FAT4: variants seen among roughly 807,000 people sequenced by gnomAD.
The protein encoded by FAT4 is protocadherin Fat 4.
FAT4 carries 84 observed loss-of-function variants against 303.9 expected under a neutral mutation model. The ratio of observed to expected loss-of-function variants is 0.28; its 90% CI spans 0.23 to 0.33. FAT4 has a LOEUF of 0.33. FAT4 is among the 10% of genes least tolerant of loss of function. The pLI is 1.00. For missense variants in FAT4, 6,005 were observed against 6,146.8 expected, an observed-to-expected ratio of 0.98 and a Z score of 0.77; for synonymous variants, 2,307 against 2,298.8, an observed-to-expected ratio of 1.00 and a Z score of -0.10.
chr4:125,331,159 T>C (rs1731365813), intron 2 of FAT4, among the ~76,000 whole-genome samples: 1 of 152,232 alleles, frequency 6.6e-6, no homozygotes, highest in Admixed American at 6.5e-5. Flanking sequence ...TTGTTTATTC[T>C]GTTTATGGTG....
intron 7 of FAT4, among the ~76,000 whole-genome samples, chr4:125,422,021 T>A (rs574994214): frequency 7.2e-5 from 11 of 152,162 alleles, no homozygotes; most frequent in Non-Finnish European, 4.4e-5. Flanking sequence ...TCATTTCACT[T>A]TAATAAATGA....
chr4:125,326,238 TG>T (rs1226420369), intron 2 of FAT4, among the ~76,000 whole-genome samples: 3 of 152,048 alleles, frequency 2.0e-5, no homozygotes, highest in African/African-American at 4.8e-5. Flanking sequence ...TGGAGACATT[TG>T]TGAGGTCAGT....
intron 10 of FAT4, among the ~76,000 whole-genome samples, chr4:125,453,381 A>G (rs1278487297): frequency 6.6e-6 from 1 of 152,184 alleles, no homozygotes; most frequent in African/African-American, 2.4e-5. Context: ...TCGTGAGAAG[A>G]GCGAGAATCA....
intron 2 of FAT4, among the ~76,000 whole-genome samples, chr4:125,392,717 G>T (rs1024909992): frequency 6.6e-6 from 1 of 152,160 alleles, no homozygotes; most frequent in African/African-American, 2.4e-5. Flanking sequence ...TAGGCAAGAA[G>T]TGAATAAAAT....
intron 8 of FAT4, among the ~76,000 whole-genome samples, chr4:125,443,383 G>A (rs559840955): frequency 1.3e-5 from 2 of 152,106 alleles, no homozygotes; most frequent in South Asian, 2.1e-4. Context: ...CTTCGCAATT[G>A]GTACATTTTC....
intron 2 of FAT4, among the ~76,000 whole-genome samples, chr4:125,321,817 G>A (rs1046523278): frequency 1.3e-5 from 2 of 152,064 alleles, no homozygotes; most frequent in African/African-American, 4.8e-5. Flanking sequence ...TTACTTTATA[G>A]CAATCACATA....
At chr4:125,458,659 GC>G (rs1726377692) in intron 10 of FAT4, among the ~76,000 whole-genome samples, 1 of 151,844 alleles carries the variant, frequency 6.6e-6, no homozygotes, top group Non-Finnish European at 1.5e-5. Flanking sequence ...TAGCTTAAAT[GC>G]TTATTTCTGT....
rs766687363 is a variant in FAT4 at position 125,487,369 on chromosome 4, A to G, written c.12847A>G (p.Thr4283Ala). The G allele has an allele frequency of 5.3e-5, 85 of 1,613,506 alleles. No individual in the cohort carries two copies. Among genetic ancestry groups the G allele is most frequent in the Non-Finnish European group, 6.8e-5 (80 of 1,179,570 alleles). Residue 4283 changes from threonine (T) to alanine (A), a missense_variant, in exon 17 of 18, where the codon ACA becomes GCA. Thr to Ala is a moderately conservative substitution (Grantham distance 58, BLOSUM62 0). Transcript: ENST00000394329. ...VKIKNGKVYF[T>A]SDAGIAGKVE... ...GATTAAGAATGGCAAAGTATATTTT[A>G]CATCCGATGCAGGAATTGCTGGGAA...
At chr4:125,488,807 A>C (rs758888499) in intron 17 of FAT4, among the ~76,000 whole-genome samples, 1 of 152,194 alleles carries the variant, frequency 6.6e-6, no homozygotes, top group Non-Finnish European at 1.5e-5. Flanking sequence ...AGGTAACTGA[A>C]GTACTGGACA....
intron 7 of FAT4, among the ~76,000 whole-genome samples, chr4:125,417,798 A>G (rs1735131550): frequency 6.6e-6 from 1 of 152,184 alleles, no homozygotes; most frequent in East Asian, 1.9e-4. Context: ...CTCTATGGGC[A>G]CTGTTTTTCG....
intron 2 of FAT4, among the ~76,000 whole-genome samples, chr4:125,382,596 G>T (rs1361492172): frequency 6.6e-6 from 1 of 152,106 alleles, no homozygotes; most frequent in East Asian, 1.9e-4. Flanking sequence ...CTTCTGTGGG[G>T]CTTCAGGATT....
Position 125,491,412 on chromosome 4 carries a change from A to G in FAT4, c.14596A>G (p.Thr4866Ala). ...EYDREKPMVY[T>A]SRMPKLSQVN... The stretch of plus-strand genomic sequence containing the variant: ...TGACAGGGAGAAGCCAATGGTATAT[A>G]CTTCCAGAATGCCCAAATTATCTCA... The change falls in exon 18 of 18, where the codon ACT (threonine) becomes GCT (alanine). Residue 4866 changes from threonine (T) to alanine (A), a missense_variant. Thr to Ala is a moderately conservative substitution (Grantham distance 58). Transcript: ENST00000394329. 6.2e-7 allele frequency: 1 copy of G among 1,614,116 alleles called. No individual in the cohort carries two copies. Among genetic ancestry groups the G allele is most frequent in the Non-Finnish European group, 8.5e-7 (1 of 1,179,992 alleles).
chr4:125,444,095 C>A (rs144467339), intron 8 of FAT4, among the ~76,000 whole-genome samples: 1 of 151,942 alleles, frequency 6.6e-6, no homozygotes, highest in Non-Finnish European at 1.5e-5. Flanking sequence ...GACAGTCATA[C>A]GGGCAATAGC....
intron 2 of FAT4, among the ~76,000 whole-genome samples, chr4:125,390,681 A>G (rs1277586727): frequency 6.6e-6 from 1 of 152,222 alleles, no homozygotes; most frequent in Non-Finnish European, 1.5e-5. Context: ...ATTAAGGGCA[A>G]TACACATTTG....
intron 2 of FAT4, among the ~76,000 whole-genome samples, chr4:125,372,132 T>G (rs534971306): frequency 2.0e-5 from 3 of 152,094 alleles, no homozygotes; most frequent in South Asian, 4.2e-4. Flanking sequence ...GGGTTGCATG[T>G]GCTTAGGAGT....
Position 125,449,557 on chromosome 4 carries a change from A to G in FAT4, c.8547A>G (p.Ala2849=). The G allele has an allele frequency of 6.2e-7, 1 of 1,613,482 alleles. No homozygotes were observed. Among genetic ancestry groups the G allele is most frequent in the Non-Finnish European group, 8.5e-7 (1 of 1,179,524 alleles). Reference sequence around the variant, plus strand: ...ACCGTTACAGAATTCGAGTTTCCGCACATGATTCTGGGTGGACTGTAAGTA... The same window carrying G: ...ACCGTTACAGAATTCGAGTTTCCGCGCATGATTCTGGGTGGACTGTAAGTA... ...DTDRYRIRVS[A]HDSGWTVSTD... is the part of the protein sequence containing the mutation. The change falls in exon 10 of 18, where the codon GCA becomes GCG. Residue 2849 remains alanine (A), a synonymous_variant. Coordinates refer to ENST00000394329, the MANE Select transcript of FAT4 (RefSeq NM_001291303.3).
intron 3 of FAT4, among the ~76,000 whole-genome samples, chr4:125,401,647 A>C (rs1374324870): frequency 6.6e-6 from 1 of 152,018 alleles, no homozygotes; most frequent in Non-Finnish European, 1.5e-5. Flanking sequence ...CAACATGTAC[A>C]TGTTGAACTT....
intron 3 of FAT4, among the ~76,000 whole-genome samples, chr4:125,401,012 C>T (rs1509299): frequency 0.99 from 149,784 of 152,048 alleles, 73,789 homozygotes; most frequent in East Asian, 1. Flanking sequence ...TGTTTGTGTG[C>T]GAGTGTAGAA....
At position 125,488,885 on chromosome 4, in the gene FAT4, G is replaced by A. The variant is rs890445617; in HGVS notation, c.13085-1016G>A. 1.7e-4 allele frequency among the ~76,000 whole-genome samples: 26 copies of A among 152,272 alleles called. No homozygotes were observed. The East Asian group carries it at 1.9e-3, about 11-fold the overall frequency. On this transcript the variant is annotated intron_variant, in intron 17 of 17. Coordinates refer to ENST00000394329, the MANE Select transcript of FAT4 (RefSeq NM_001291303.3). The stretch of plus-strand genomic sequence containing the variant: ...GCCTGGGACGTCATCTTGATTAACC[G>A]TAAGAGTTAATGGTTATGTAGAGGA...
Sources: gnomAD v4.1 joint callset for allele counts (sites outside exome capture counted in the v4.1 genomes callset) on GRCh38, gnomAD v4.1.1 for gene constraint, MANE v1.5 for transcripts, NCBI Gene and HGNC (gene_info 2026-07-23, HGNC 2026-07-21) for gene names.